The following ASIC2 variants were observed in gnomAD, a reference collection of about 807,000 sequenced individuals.
ASIC2 encodes acid sensing ion channel subunit 2, also known as acid-sensing ion channel 2.
Under a neutral mutation model 57.3 loss-of-function variants are expected in ASIC2, and 25 were observed. The ratio of observed to expected loss-of-function variants is 0.44; its 90% CI spans 0.32 to 0.61. The LOEUF (loss-of-function observed/expected upper bound fraction) is 0.61, where lower values mean the gene tolerates loss of function less well. ASIC2 is among the 20% of genes least tolerant of loss of function. ASIC2 has a pLI of 0.06. For missense variants in ASIC2, 641 were observed against 738.1 expected, an observed-to-expected ratio of 0.87 and a Z score of 1.52; for synonymous variants, 319 against 307.5, an observed-to-expected ratio of 1.04 and a Z score of -0.39.
chr17:33,596,511 C>G (rs1233730668), intron 1 of ASIC2, among the ~76,000 whole-genome samples: 1 of 152,174 alleles, frequency 6.6e-6, no homozygotes, highest in East Asian at 1.9e-4. Flanking sequence ...GTGCCTCACT[C>G]CCTGCACTTT....
At chr17:33,455,856 C>T (rs754332077) in intron 1 of ASIC2, among the ~76,000 whole-genome samples, 59 of 152,274 alleles carry the variant, frequency 3.9e-4, no homozygotes, top group Middle Eastern at 3.4e-3. Flanking sequence ...TAGAACTATG[C>T]GAATCAAAGA....
rs9889621 is a variant in ASIC2, at chr17:33,626,672, T to G, written c.556-514605A>C. Among the ~76,000 whole-genome samples, 595 of 152,278 alleles carry G rather than the reference T, an allele frequency of 3.9e-3. 2 individuals are homozygous for G. The highest frequency in any genetic ancestry group is 0.014 in the African/African-American group (561 of 41,548). Reference sequence around the variant, plus strand: ...CAGCTGGAAGTCACCCTAGAGGCTCTCCTCTTCTTTAGCACTCCTGACATC... The same window carrying G: ...CAGCTGGAAGTCACCCTAGAGGCTCGCCTCTTCTTTAGCACTCCTGACATC... On this transcript the variant is annotated intron_variant, in intron 1 of 9. Transcript: ENST00000359872.
At chr17:34,016,686 G>C (rs867948506) in intron 1 of ASIC2, among the ~76,000 whole-genome samples, 1 of 152,204 alleles carries the variant, frequency 6.6e-6, no homozygotes, top group African/African-American at 2.4e-5. Flanking sequence ...GGATCCAGAA[G>C]AAATTTTTAA....
chr17:33,542,075 C>T (rs149897084), intron 1 of ASIC2, among the ~76,000 whole-genome samples: 3 of 152,238 alleles, frequency 2.0e-5, no homozygotes, highest in African/African-American at 7.2e-5. Flanking sequence ...TACTTAAATA[C>T]TTGACTCCTT....
chr17:34,038,059 T>C (rs890200064), intron 1 of ASIC2: 9 of 1,613,302 alleles, frequency 5.6e-6, no homozygotes, highest in Non-Finnish European at 7.6e-6. Context: ...TGCCATCCAC[T>C]GAATTGTAGC....
intron 1 of ASIC2, among the ~76,000 whole-genome samples, chr17:33,949,134 A>G (rs542426724): frequency 6.6e-6 from 1 of 152,248 alleles, no homozygotes; most frequent in South Asian, 2.1e-4. Context: ...CCAGTGGGCC[A>G]TGCAAAAACA....
intron 1 of ASIC2, among the ~76,000 whole-genome samples, chr17:33,156,687 C>T (rs1290414783): frequency 1.3e-5 from 2 of 151,842 alleles, no homozygotes; most frequent in Admixed American, 6.6e-5. Flanking sequence ...ATCCAGGAGG[C>T]GGAGGTTGCA....
At chr17:33,912,893 C>T (rs376552342) in intron 1 of ASIC2, among the ~76,000 whole-genome samples, 6 of 151,332 alleles carry the variant, frequency 4.0e-5, no homozygotes, top group East Asian at 2.0e-4. Context: ...GCAGGAGAAT[C>T]GCTTGAACCC....
chr17:34,122,335 A>AG lies in ASIC2; in HGVS notation c.555+33642dup, dbSNP rs1345930520. Among the ~76,000 whole-genome samples the AG allele has an allele frequency of 2.0e-5, 3 of 152,316 alleles. No homozygotes were observed. The East Asian group carries it at 5.8e-4, about 29-fold the overall frequency. On this transcript the variant is annotated intron_variant, in intron 1 of 9. Coordinates refer to the ASIC2 transcript ENST00000359872. The stretch of plus-strand genomic sequence containing the variant: ...GCACAAGGGAGCGAGGGTCCAGCCC[A>AG]GGCAGCCGACTCCACCACACTACCA...
intron 1 of ASIC2, among the ~76,000 whole-genome samples, chr17:33,795,704 A>T (rs912450473): frequency 3.3e-5 from 5 of 152,220 alleles, no homozygotes; most frequent in African/African-American, 1.2e-4. Flanking sequence ...TGATCCATGC[A>T]TTGATAGATA....
intron 1 of ASIC2, among the ~76,000 whole-genome samples, chr17:33,732,034 G>T (rs1415115575): frequency 6.6e-6 from 1 of 152,152 alleles, no homozygotes; most frequent in African/African-American, 2.4e-5. Flanking sequence ...CAAAATTGTT[G>T]AAAATTTATA....
At chr17:34,052,007 G>T (rs986840321) in intron 1 of ASIC2, among the ~76,000 whole-genome samples, 13 of 152,008 alleles carry the variant, frequency 8.6e-5, no homozygotes, top group African/African-American at 3.1e-4. Flanking sequence ...TAGCACTAAG[G>T]GAATAGAGAT....
intron 1 of ASIC2, among the ~76,000 whole-genome samples, chr17:33,994,182 A>G (rs554495710): frequency 1.3e-5 from 2 of 152,142 alleles, no homozygotes; most frequent in Non-Finnish European, 2.9e-5. Flanking sequence ...GCCCCAGAGG[A>G]TCTAAAGCTG....
intron 1 of ASIC2, among the ~76,000 whole-genome samples, chr17:33,230,190 A>G (rs1354861079): frequency 6.6e-6 from 1 of 152,268 alleles, no homozygotes; most frequent in Non-Finnish European, 1.5e-5. Context: ...AAATGGTCAG[A>G]AGCCCCCATG....
In ASIC2 at chr17:33,688,799, T is replaced by C. The variant is rs371244685; in HGVS notation, c.555+467179A>G. 3 of 152,294 alleles carry C rather than the reference T, an allele frequency of 2.0e-5. No individual in the cohort carries two copies. In the South Asian group the frequency reaches 6.2e-4, roughly 32 times the overall value. The allele number at this position is 152,294 out of a possible 1,614,324, so 9.4% of individuals were successfully genotyped here. On this transcript the variant is annotated intron_variant, in intron 1 of 9. Coordinates refer to the ASIC2 transcript ENST00000359872. ...GGGGTCATTATCCCCAGTTCTTAACTAGAGAAACTGAGATTCTGGAAGTCC... is the reference window on the plus strand; with the variant it reads ...GGGGTCATTATCCCCAGTTCTTAACCAGAGAAACTGAGATTCTGGAAGTCC...
intron 1 of ASIC2, among the ~76,000 whole-genome samples, chr17:33,765,387 C>T (rs1377178096): frequency 3.3e-5 from 5 of 152,108 alleles, no homozygotes; most frequent in African/African-American, 1.2e-4. Context: ...GGATTACAGG[C>T]GTGAGCCACC....
chr17:33,961,998 A>G (rs1168158062), intron 1 of ASIC2, among the ~76,000 whole-genome samples: 1 of 152,122 alleles, frequency 6.6e-6, no homozygotes, highest in African/African-American at 2.4e-5. Context: ...TCGGTTCCAG[A>G]TGAGGCCGGC....
intron 3 of ASIC2, among the ~76,000 whole-genome samples, chr17:33,081,707 G>T (rs1464710960): frequency 6.6e-6 from 1 of 152,198 alleles, no homozygotes; most frequent in Non-Finnish European, 1.5e-5. Context: ...AGCTTGAGAG[G>T]AGTTGTCAAA....
chr17:33,357,550 C>CCTTCTTTCTAGTCGGCAGGA (rs1396480792), intron 1 of ASIC2, among the ~76,000 whole-genome samples: 2 of 152,128 alleles, frequency 1.3e-5, no homozygotes, highest in Admixed American at 1.3e-4. Flanking sequence ...ACCTTTCCTG[C>CCTTCTTTCTAGTCGGCAGGA]CTTCTTTCTA....
Sources: gnomAD v4.1 joint callset for allele counts (sites outside exome capture counted in the v4.1 genomes callset) on GRCh38, gnomAD v4.1.1 for gene constraint, MANE v1.5 for transcripts, NCBI Gene and HGNC (gene_info 2026-07-23, HGNC 2026-07-21) for gene names.